NR1H2: variants seen among roughly 807,000 people sequenced by gnomAD.
NR1H2 encodes the protein nuclear receptor subfamily 1 group H member 2.
In NR1H2, 33 loss-of-function variants were observed where a neutral mutation model predicts 51.2. The observed-to-expected ratio is 0.64, with a 90% CI of 0.49 to 0.86. NR1H2 has a LOEUF of 0.86. Ranked by LOEUF, NR1H2 falls within the 40% of genes least tolerant of loss-of-function variation. NR1H2 has a pLI of 0.00. For synonymous variants in NR1H2, 310 were observed against 264.3 expected (o/e 1.17, Z -1.68); for missense variants, 592 against 639.9 (o/e 0.93, Z 0.81).
At chr19:50,381,012 G>C (rs1422338479) in intron 8 of NR1H2, among the ~76,000 whole-genome samples, 1 of 152,132 alleles carries the variant, frequency 6.6e-6, no homozygotes, top group Non-Finnish European at 1.5e-5. Context: ...AGTCCTCTCT[G>C]TGGCCCACAA....
Position 50,378,385 on chromosome 19 carries a change from A to G in NR1H2, c.418A>G (p.Lys140Glu), listed in dbSNP as rs776092505. The change falls in exon 5 of 10, where the codon AAG (lysine) becomes GAG (glutamate). Residue 140 changes from lysine (K) to glutamate (E), a missense_variant. Around this residue, in one of 3 missense-constraint regions of NR1H2, gnomAD observed 316 missense variants for 313.4 expected, o/e 1.01. Coordinates refer to ENST00000253727, the MANE Select transcript of NR1H2 (RefSeq NM_007121.7). Reference sequence around the variant, plus strand: ...CCAGATGGACGCTTTCATGCGGCGCAAGTGCCAGCAGTGCCGGCTGCGCAA... The same window carrying G: ...CCAGATGGACGCTTTCATGCGGCGCGAGTGCCAGCAGTGCCGGCTGCGCAA... ...TCQMDAFMRR[K>E]CQQCRLRKCK... 1 of 1,608,554 alleles carries G rather than the reference A, an allele frequency of 6.2e-7. No homozygotes were observed. The highest frequency in any genetic ancestry group is 2.2e-5 in the East Asian group (1 of 44,700).
In NR1H2 at chr19:50,378,596, T is replaced by G. The variant is rs2037711513; in HGVS notation, c.547T>G (p.Ser183Ala). ...GCAGGAGTCACAGTCACAGTCGCAG[T>G]CACCTGTGGGGCCGCAGGGCAGCAG... ...QQQESQSQSQSPVGPQGSSSS... is the reference protein window; with the variant it reads ...QQQESQSQSQAPVGPQGSSSS... The change falls in exon 6 of 10, where the codon TCA (serine) becomes GCA (alanine). Residue 183 changes from serine to alanine, a missense_variant. Ser to Ala is a moderately conservative substitution (Grantham distance 99). This residue lies in a region of NR1H2 where 316 missense variants were observed against 313.4 expected (regional missense o/e 1.01). Coordinates refer to ENST00000253727, the MANE Select transcript of NR1H2 (RefSeq NM_007121.7). The G allele has an allele frequency of 6.2e-7, 1 of 1,613,928 alleles. No individual in the cohort carries two copies.
Position 50,382,114 on chromosome 19 carries a change from G to C in NR1H2, c.1176G>C (p.Glu392Asp), listed in dbSNP as rs1312864524. 1.3e-6 allele frequency: 2 copies of C among 1,545,922 alleles called. No homozygotes were observed. Among genetic ancestry groups the C allele is most frequent in the East Asian group, 2.4e-5 (1 of 40,950 alleles). Reference protein sequence around the residue: ...RPNVQEPGRVEALQQPYVEAL... With the variant: ...RPNVQEPGRVDALQQPYVEAL... ...ACGTGCAGGAGCCGGGCCGCGTGGA[G>C]GCGTTGCAGCAGCCCTACGTGGAGG... The change falls in exon 9 of 10, where the codon GAG becomes GAC. Residue 392 changes from glutamate (E) to aspartate (D), a missense_variant. By Grantham distance (45) the Glu-to-Asp change is conservative. Transcript: ENST00000253727.
At position 50,381,716 on chromosome 19, in the gene NR1H2, G is replaced by A. The variant is rs116308390; in HGVS notation, c.1028-250G>A. Among the ~76,000 whole-genome samples, 494 of 152,358 alleles carry A rather than the reference G, an allele frequency of 3.2e-3. 4 individuals are homozygous for A. The highest frequency in any genetic ancestry group is 0.01 in the African/African-American group (432 of 41,574). Reference sequence around the variant, plus strand: ...CAGCCACCGCCCAGGTGGGAAGGGAGGGTGGTGATAGGATAGTAGAAAATA... The same window carrying A: ...CAGCCACCGCCCAGGTGGGAAGGGAAGGTGGTGATAGGATAGTAGAAAATA... On this transcript the variant is annotated intron_variant, in intron 8 of 9. Coordinates refer to ENST00000253727, the MANE Select transcript of NR1H2 (RefSeq NM_007121.7).
chr19:50,378,357 C>T lies in NR1H2; in HGVS notation c.390C>T (p.Thr130=). The part of the protein sequence containing the change: ...ARRYACRGGG[T]CQMDAFMRRK... ...GCTATGCCTGCCGGGGTGGCGGAAC[C>T]TGCCAGATGGACGCTTTCATGCGGC... Residue 130 remains threonine, a synonymous_variant, in exon 5 of 10, where the codon ACC becomes ACT. Coordinates refer to ENST00000253727, the MANE Select transcript of NR1H2 (RefSeq NM_007121.7). The T allele has an allele frequency of 1.2e-6, 2 of 1,611,820 alleles. No individual in the cohort carries two copies. Among genetic ancestry groups the T allele is most frequent in the Non-Finnish European group, 1.7e-6 (2 of 1,178,968 alleles).
At position 50,377,641 on chromosome 19, in the gene NR1H2, C is replaced by T. The variant is rs2037688997; in HGVS notation, c.36C>T (p.Pro12=). Residue 12 remains proline (P), a synonymous_variant, in exon 3 of 10, where the codon CCC becomes CCT. Coordinates refer to ENST00000253727, the MANE Select transcript of NR1H2 (RefSeq NM_007121.7). ...CTACCACGAGTTCCCTGGATACCCC[C>T]CTGCCTGGTGAGTGACTCTCTTCCC... ...SSPTTSSLDT[P]LPGNGPPQPG... is the part of the protein sequence containing the mutation. 4 of 1,613,700 alleles carry T rather than the reference C, an allele frequency of 2.5e-6. No homozygotes were observed. The highest frequency in any genetic ancestry group is 1.1e-5 in the South Asian group (1 of 91,074).
At position 50,378,203 on chromosome 19, in the gene NR1H2, C is replaced by T. The variant is rs200227817; in HGVS notation, c.236C>T (p.Pro79Leu). The change falls in exon 5 of 10, where the codon CCG becomes CTG. Residue 79 changes from proline (P) to leucine (L), a missense_variant. Pro to Leu is a moderately conservative substitution (Grantham distance 98). This residue lies in a region of NR1H2 where 316 missense variants were observed against 313.4 expected (regional missense o/e 1.01). Coordinates refer to ENST00000253727, the MANE Select transcript of NR1H2 (RefSeq NM_007121.7). ...PERKRKKGPAPKMLGHELCRV... is the reference protein window; with the variant it reads ...PERKRKKGPALKMLGHELCRV... ...CGCAAGCGAAAGAAGGGCCCAGCCC[C>T]GAAGATGCTGGGCCACGAGCTTTGC... is the stretch of plus-strand genomic sequence containing the variant. 1.4e-5 allele frequency: 22 copies of T among 1,613,556 alleles called. No individual in the cohort carries two copies. The highest frequency in any genetic ancestry group is 8.9e-5 in the East Asian group (4 of 44,884).
Position 50,377,806 on chromosome 19 carries a change from CG to C in NR1H2, c.122del (p.Gly41ValfsTer114). The stretch of plus-strand genomic sequence containing the variant: ...AGGAGGAGGGTCCGGAGCCGTGGCC[CG>C]GGGGTCCGGACCCTGATGTCCCAGG... ...VKEEGPEPWP[G>X]GPDPDVPGTD... On this transcript the variant is annotated frameshift_variant, in exon 4 of 10. Transcript: ENST00000253727. LOFTEE classifies it high-confidence loss of function. 1 of 1,609,872 alleles carries C rather than the reference CG, an allele frequency of 6.2e-7. No individual in the cohort carries two copies.
intron 7 of NR1H2, among the ~76,000 whole-genome samples, chr19:50,379,392 A>G (rs536482883): frequency 2.6e-5 from 4 of 152,336 alleles, no homozygotes; most frequent in Admixed American, 1.3e-4. Context: ...AAAGTTGCCA[A>G]AAAGGCTTTT....
Position 50,377,726 on chromosome 19 carries a change from C to G in NR1H2, c.44-7C>G, listed in dbSNP as rs758041033. 6.2e-7 allele frequency: 1 copy of G among 1,604,608 alleles called. No homozygotes were observed. Among genetic ancestry groups the G allele is most frequent in the African/African-American group, 1.3e-5 (1 of 74,750 alleles). On this transcript the variant is annotated splice_polypyrimidine_tract_variant and splice_region_variant and intron_variant, in intron 3 of 9. Coordinates refer to ENST00000253727, the MANE Select transcript of NR1H2 (RefSeq NM_007121.7). ...CTGTACCTCTCCCGGATTCCACCCT[C>G]TTCCAGGAAATGGCCCCCCTCAGCC...
intron 8 of NR1H2, among the ~76,000 whole-genome samples, chr19:50,380,617 G>A (rs1242306751): frequency 1.3e-5 from 2 of 152,170 alleles, no homozygotes; most frequent in African/African-American, 2.4e-5. Context: ...CACCCGAGAC[G>A]GTCCCAGTAA....
In NR1H2 at chr19:50,378,586, ACAGTCG is replaced by A. The variant is rs2037711254; in HGVS notation, c.543_548del (p.Gln182_Ser183del). The stretch of plus-strand genomic sequence containing the variant: ...GGAAACAGCAGCAGGAGTCACAGTC[ACAGTCG>A]CAGTCACCTGTGGGGCCGCAGGGCA... On this transcript the variant is annotated inframe_deletion, in exon 6 of 10. Transcript: ENST00000253727. 1.9e-6 allele frequency: 3 copies of A among 1,613,684 alleles called. No individual in the cohort carries two copies. The African/African-American group carries it at 4.0e-5, about 22-fold the overall frequency.
intron 7 of NR1H2, among the ~76,000 whole-genome samples, chr19:50,379,564 A>G (rs1406718904): frequency 6.6e-6 from 1 of 152,184 alleles, no homozygotes; most frequent in African/African-American, 2.4e-5. Flanking sequence ...GAGTATCCTA[A>G]GGAGATGGGG....
Position 50,382,112 on chromosome 19 carries a change from G to T in NR1H2, c.1174G>T (p.Glu392Ter). Residue 392 changes from glutamate (E) to a stop codon, truncating the protein, a stop_gained, in exon 9 of 10, where the codon GAG becomes TAG. Transcript: ENST00000253727. LOFTEE classifies it high-confidence loss of function. ...CAACGTGCAGGAGCCGGGCCGCGTG[G>T]AGGCGTTGCAGCAGCCCTACGTGGA... The part of the protein sequence containing the change: ...RPNVQEPGRV[E>*]ALQQPYVEAL... 6.5e-7 allele frequency: 1 copy of T among 1,546,130 alleles called. No individual in the cohort carries two copies. The highest frequency in any genetic ancestry group is 8.7e-7 in the Non-Finnish European group (1 of 1,146,938).
rs772610587 is a variant in NR1H2 at position 50,379,765 on chromosome 19, C to G, written c.928-15C>G. ...GTCACAGGGCTCAAGCTCCCCCTCC[C>G]GCTGCCGCCCTTAGATCATGCTGCT... On this transcript the variant is annotated splice_polypyrimidine_tract_variant and intron_variant, in intron 7 of 9. Transcript: ENST00000253727. The G allele has an allele frequency of 1.3e-6, 2 of 1,583,366 alleles. No individual in the cohort carries two copies. The highest frequency in any genetic ancestry group is 1.7e-5 in the Admixed American group (1 of 59,978).
rs2037672000 is a variant in NR1H2, at chr19:50,376,843, T to C, written c.-20+17T>C. ...TGGAGAGAGGTGCGAGGGCGGAGCA[T>C]GAATGGAGGAGGCGGGGCGGGGCAT... On this transcript the variant is annotated intron_variant, in intron 2 of 9. Transcript: ENST00000253727. 1 of 135,880 alleles carries C rather than the reference T, an allele frequency of 7.4e-6. No individual in the cohort carries two copies. Among genetic ancestry groups the C allele is most frequent in the South Asian group, 2.2e-4 (1 of 4,450 alleles). 8.4% of individuals were successfully genotyped at this position (135,880 alleles called of 1,614,324 possible).
chr19:50,380,420 GGAA>G (rs143229851), intron 8 of NR1H2, among the ~76,000 whole-genome samples: 2,569 of 152,276 alleles, frequency 0.017, 67 homozygotes, highest in African/African-American at 0.058. Context: ...GTGGGCTTCT[GGAA>G]GAAGGCCTGG....
intron 8 of NR1H2, among the ~76,000 whole-genome samples, chr19:50,380,446 A>G (rs1483876471): frequency 6.6e-6 from 1 of 152,150 alleles, no homozygotes; most frequent in African/African-American, 2.4e-5. Flanking sequence ...AGTGAGAGGC[A>G]CTGCCTAGGA....
intron 9 of NR1H2, 94 bp downstream of exon 9, chr19:50,382,268 C>A: frequency 7.4e-7 from 1 of 1,360,118 alleles, no homozygotes; most frequent in Non-Finnish European, 9.8e-7. Context: ...ACTGCCCTCC[C>A]CTCCGCAGAG....
Sources: allele counts gnomAD v4.1 joint callset (sites outside exome capture counted in the v4.1 genomes callset), GRCh38; gene constraint gnomAD v4.1.1; regional missense constraint gnomAD v4.1.1; transcripts MANE v1.5; gene names NCBI Gene and HGNC (gene_info 2026-07-23, HGNC 2026-07-21).